Variants in PPP1R21 observed in about 807,000 individuals in gnomAD.
The protein encoded by PPP1R21 is KLRAQ motif containing 1.
Under a neutral mutation model 112.8 loss-of-function variants are expected in PPP1R21, and 85 were observed. The ratio of observed to expected loss-of-function variants is 0.75; its 90% CI spans 0.63 to 0.90. The LOEUF (loss-of-function observed/expected upper bound fraction) is 0.90, where lower values mean the gene tolerates loss of function less well. Ranked by LOEUF, PPP1R21 falls within the 40% of genes least tolerant of loss-of-function variation. The probability of loss-of-function intolerance (pLI) is 0.00; values close to 1 mark genes in which losing one functional copy is unlikely to be tolerated. For missense variants in PPP1R21, 1,199 were observed against 901.5 expected, an observed-to-expected ratio of 1.33 and a Z score of -4.23; for synonymous variants, 381 against 322.3, an observed-to-expected ratio of 1.18 and a Z score of -1.95.
intron 17 of PPP1R21, among the ~76,000 whole-genome samples, chr2:48,499,023 C>G (rs1200807893): frequency 6.6e-6 from 1 of 151,482 alleles, no homozygotes; most frequent in Non-Finnish European, 1.5e-5. Context: ...GGTGAGCTCT[C>G]TGGGGTCTCT....
In PPP1R21 at chr2:48,472,239, C is replaced by CA. The variant is rs57711610; in HGVS notation, c.1088+901dup. 9.6e-3 allele frequency among the ~76,000 whole-genome samples: 415 copies of CA among 43,050 alleles called. 44 individuals carry two copies. Among genetic ancestry groups the CA allele is most frequent in the East Asian group, 0.035 (18 of 516 alleles). The allele number at this position is 43,050 out of a possible 152,430, so 28.2% of individuals were successfully genotyped here. A position where few individuals can be genotyped will look rare whatever the true frequency, so the allele number is the denominator to read the frequency against. On this transcript the variant is annotated intron_variant, in intron 11 of 21. Coordinates refer to ENST00000294952, the MANE Select transcript of PPP1R21 (RefSeq NM_001135629.3). ...TAGGCAACAGAGCGAGACTCCATCT[C>CA]AAAAAAAAAAAAAAAAAAAAAAAAA...
chr2:48,499,100 G>C (rs974034190), intron 17 of PPP1R21, among the ~76,000 whole-genome samples: 1 of 150,350 alleles, frequency 6.7e-6, no homozygotes, highest in Admixed American at 6.6e-5. Context: ...CATCACCTTG[G>C]GGGTTAGAGT....
chr2:48,462,668 G>A (rs774299444), intron 7 of PPP1R21, among the ~76,000 whole-genome samples: 1 of 152,142 alleles, frequency 6.6e-6, no homozygotes, highest in Admixed American at 6.5e-5. Flanking sequence ...AGGTATGGTG[G>A]GACTGGACCC....
intron 17 of PPP1R21, among the ~76,000 whole-genome samples, chr2:48,499,824 A>T (rs1049582101): frequency 6.6e-6 from 1 of 152,248 alleles, no homozygotes; most frequent in Non-Finnish European, 1.5e-5. Flanking sequence ...AAGTTACTTT[A>T]AAAAATGTTT....
At chr2:48,462,338 C>T (rs80016200) in intron 7 of PPP1R21, among the ~76,000 whole-genome samples, 3 of 151,954 alleles carry the variant, frequency 2.0e-5, no homozygotes, top group East Asian at 1.9e-4. Context: ...TTTATAGCCT[C>T]GTAAGGCAGA....
At chr2:48,458,031 G>C (rs749518818) in intron 3 of PPP1R21, 95 bp from the exon 4 acceptor site, 5 of 820,558 alleles carry the variant, frequency 6.1e-6, no homozygotes, top group Middle Eastern at 2.4e-4. Context: ...ACACATAGAA[G>C]AGACAAGCTT....
chr2:48,483,325 G>T, intron 13 of PPP1R21, among the ~76,000 whole-genome samples: 1 of 150,100 alleles, frequency 6.7e-6, no homozygotes, highest in East Asian at 2.0e-4. Flanking sequence ...GGGACTACAG[G>T]TGTGCGTCAC....
At chr2:48,441,370 A>G (rs1186236454) in intron 1 of PPP1R21, 7 of 344,242 alleles carry the variant, frequency 2.0e-5, no homozygotes, top group East Asian at 9.9e-5. Flanking sequence ...TGCTTCCTCA[A>G]TTTTCTCAGC....
intron 17 of PPP1R21, among the ~76,000 whole-genome samples, chr2:48,501,523 C>A (rs952026676): frequency 6.6e-6 from 1 of 152,160 alleles, no homozygotes; most frequent in Non-Finnish European, 1.5e-5. Context: ...AAACCAAGGA[C>A]CAAAGAGAAA....
chr2:48,505,460 T>G (rs1408650905), intron 17 of PPP1R21, 104 bp from the exon 18 acceptor site: 5 of 835,590 alleles, frequency 6.0e-6, no homozygotes, highest in Non-Finnish European at 1.0e-5. Context: ...TTCTGTACCC[T>G]CAATGCTCTG....
At chr2:48,459,974 A>G (rs1319314919) in intron 5 of PPP1R21, 56 bp downstream of exon 5, 51 of 1,592,758 alleles carry the variant, frequency 3.2e-5, no homozygotes, top group Non-Finnish European at 4.1e-5. Flanking sequence ...GTATTAATAA[A>G]TTGTCTATCC....
intron 2 of PPP1R21, among the ~76,000 whole-genome samples, chr2:48,454,193 G>A (rs541855396): frequency 5.5e-4 from 84 of 152,228 alleles, no homozygotes; most frequent in Non-Finnish European, 9.9e-4. Context: ...CTCGGGTGGC[G>A]GAGGTTGCAG....
rs1300003926 is a variant in PPP1R21, at chr2:48,510,031, A to T, written c.2102A>T (p.Lys701Ile). The change falls in exon 20 of 22, where the codon AAA (lysine) becomes ATA (isoleucine). Residue 701 changes from lysine to isoleucine, a missense_variant. Coordinates refer to ENST00000294952, the MANE Select transcript of PPP1R21 (RefSeq NM_001135629.3). ...ATTTTACAGTGCCGAGCACTGTCTA[A>T]AAGACTGGCCTTGGCTGAAAAGTCT... is the stretch of plus-strand genomic sequence containing the variant. ...HFYAECRALS[K>I]RLALAEKSKE... is the part of the protein sequence containing the mutation. 6.2e-7 allele frequency: 1 copy of T among 1,613,846 alleles called. No homozygotes were observed. Among genetic ancestry groups the T allele is most frequent in the South Asian group, 1.1e-5 (1 of 91,040 alleles).
chr2:48,471,253 A>C, intron 10 of PPP1R21, 26 bp from the exon 11 acceptor site: 1 of 1,609,030 alleles, frequency 6.2e-7, no homozygotes, highest in Non-Finnish European at 8.5e-7. Context: ...AGCACTTTTA[A>C]CCTTGAAATT....
intron 8 of PPP1R21, 69 bp from the exon 9 acceptor site, chr2:48,465,424 G>C (rs900331046): frequency 1.2e-5 from 17 of 1,387,986 alleles, no homozygotes; most frequent in East Asian, 2.3e-5. Flanking sequence ...CTCCAGATCA[G>C]ACTCAATAAA....
intron 1 of PPP1R21, chr2:48,441,486 CGGG>C: frequency 1.0e-5 from 2 of 197,796 alleles, no homozygotes; most frequent in Non-Finnish European, 1.1e-5. Flanking sequence ...TAGAGACATT[CGGG>C]TAAACTGCTT....
intron 12 of PPP1R21, among the ~76,000 whole-genome samples, chr2:48,479,040 G>A (rs536318146): frequency 6.6e-6 from 1 of 152,184 alleles, no homozygotes; most frequent in African/African-American, 2.4e-5. Flanking sequence ...TCCTTGGTCT[G>A]CCTCTTTCAG....
chr2:48,446,568 AATTT>A (rs1158764762), intron 1 of PPP1R21, among the ~76,000 whole-genome samples: 2 of 152,186 alleles, frequency 1.3e-5, no homozygotes, highest in Admixed American at 6.5e-5. Context: ...TTATATGTAT[AATTT>A]ATTAATTTGA....
At chr2:48,457,236 C>T (rs1437809743) in intron 3 of PPP1R21, among the ~76,000 whole-genome samples, 1 of 152,050 alleles carries the variant, frequency 6.6e-6, no homozygotes, top group East Asian at 1.9e-4. Context: ...CACTAAGGAC[C>T]CTGAATACAT....
Sources: gnomAD v4.1 joint callset for allele counts (sites outside exome capture counted in the v4.1 genomes callset) on GRCh38, gnomAD v4.1.1 for gene constraint, MANE v1.5 for transcripts, NCBI Gene and HGNC (gene_info 2026-07-23, HGNC 2026-07-21) for gene names.